The following NFKB1 variants were observed in gnomAD, a reference collection of about 807,000 sequenced individuals.
NFKB1 encodes the protein nuclear factor NF-kappa-B p105 subunit.
NFKB1 carries 9 observed loss-of-function variants against 105.1 expected under a neutral mutation model. The observed-to-expected ratio is 0.09, with a 90% CI of 0.05 to 0.15. The LOEUF (loss-of-function observed/expected upper bound fraction) is 0.15. NFKB1 is among the 10% of genes least tolerant of loss of function. The pLI is 1.00. For missense variants in NFKB1, 830 were observed against 1,203.7 expected, an observed-to-expected ratio of 0.69 and a Z score of 4.59; for synonymous variants, 440 against 442.2, an observed-to-expected ratio of 1.00 and a Z score of 0.06.
chr4:102,575,513 T>G (rs915814643), intron 6 of NFKB1, among the ~76,000 whole-genome samples: 5 of 152,180 alleles, frequency 3.3e-5, no homozygotes, highest in Non-Finnish European at 7.4e-5. Flanking sequence ...AATTCTTCAC[T>G]TACTTCTGAC....
intron 3 of NFKB1, among the ~76,000 whole-genome samples, chr4:102,530,291 G>A (rs1741201691): frequency 6.6e-6 from 1 of 152,074 alleles, no homozygotes; most frequent in South Asian, 2.1e-4. Flanking sequence ...TACTACCAGT[G>A]TGCCAGTCAC....
chr4:102,551,388 G>GCA (rs1722597259), intron 5 of NFKB1, among the ~76,000 whole-genome samples: 2 of 150,798 alleles, frequency 1.3e-5, no homozygotes, highest in South Asian at 2.1e-4. Flanking sequence ...ATGTGTGTGT[G>GCA]TGTGTGTGTT....
chr4:102,564,692 A>G (rs975573072), intron 5 of NFKB1, among the ~76,000 whole-genome samples: 1 of 152,234 alleles, frequency 6.6e-6, no homozygotes, highest in African/African-American at 2.4e-5. Context: ...CTTCAGTACC[A>G]GAGACTAATT....
intron 11 of NFKB1, among the ~76,000 whole-genome samples, chr4:102,591,018 G>A (rs1726124246): frequency 6.6e-6 from 1 of 152,132 alleles, no homozygotes; most frequent in Admixed American, 6.6e-5. Context: ...GAGAGGTGAG[G>A]AGGCTGCAGA....
chr4:102,519,788 C>T (rs1389141180), intron 1 of NFKB1, among the ~76,000 whole-genome samples: 1 of 152,162 alleles, frequency 6.6e-6, no homozygotes, highest in Non-Finnish European at 1.5e-5. Context: ...CTATATGAAC[C>T]TGAGCAAATG....
At chr4:102,518,338 C>G (rs980810299) in intron 1 of NFKB1, among the ~76,000 whole-genome samples, 5 of 152,102 alleles carry the variant, frequency 3.3e-5, no homozygotes, top group Admixed American at 2.6e-4. Context: ...TATGTATACA[C>G]CACAGTGTTT....
At chr4:102,558,729 C>T (rs1723176140) in intron 5 of NFKB1, among the ~76,000 whole-genome samples, 1 of 152,100 alleles carries the variant, frequency 6.6e-6, no homozygotes, top group African/African-American at 2.4e-5. Flanking sequence ...TAGCCCAATG[C>T]CACCTTGAAC....
At chr4:102,608,895 G>A (rs1728091627) in intron 19 of NFKB1, among the ~76,000 whole-genome samples, 1 of 152,120 alleles carries the variant, frequency 6.6e-6, no homozygotes, top group Non-Finnish European at 1.5e-5. Context: ...GCTCACACCT[G>A]TAAACTCAGC....
intron 11 of NFKB1, 114 bp from the exon 12 acceptor site, chr4:102,593,311 T>C: frequency 1.0e-6 from 1 of 1,001,756 alleles, no homozygotes; most frequent in Non-Finnish European, 1.5e-6. Context: ...TTTGAGTGCT[T>C]TCTATTTCCC....
At chr4:102,549,398 T>C (rs1378052688) in intron 5 of NFKB1, among the ~76,000 whole-genome samples, 1 of 148,544 alleles carries the variant, frequency 6.7e-6, no homozygotes, top group Non-Finnish European at 1.5e-5. Flanking sequence ...TATTTATATA[T>C]GTACATTTTA....
chr4:102,554,615 A>G (rs1722846275), intron 5 of NFKB1, among the ~76,000 whole-genome samples: 2 of 152,204 alleles, frequency 1.3e-5, no homozygotes, highest in African/African-American at 4.8e-5. Flanking sequence ...ACTCAGAAGC[A>G]TAAACTGACA....
intron 22 of NFKB1, 82 bp from the exon 23 acceptor site, chr4:102,613,343 G>GGAAGGGTGGGCTGTCGC: frequency 6.9e-7 from 1 of 1,450,308 alleles, no homozygotes; most frequent in Non-Finnish European, 9.5e-7. Flanking sequence ...CATGGAAGAG[G>GGAAGGGTGGGCTGTCGC]GAAGGGTGGG....
intron 18 of NFKB1, 61 bp from the exon 19 acceptor site, chr4:102,607,588 G>A: frequency 6.5e-7 from 1 of 1,528,248 alleles, no homozygotes; most frequent in South Asian, 1.1e-5. Context: ...ACACTGGGAG[G>A]TGGGGACAAA....
intron 7 of NFKB1, among the ~76,000 whole-genome samples, chr4:102,577,378 T>G (rs1314422838): frequency 1.3e-5 from 2 of 152,152 alleles, no homozygotes; most frequent in Non-Finnish European, 2.9e-5. Context: ...CCCCACCGTT[T>G]CCATTTCACC....
Position 102,582,929 on chromosome 4 carries a change from A to G in NFKB1, c.899A>G (p.Asp300Gly), listed in dbSNP as rs1560694437. Residue 300 changes from aspartate to glycine, a missense_variant, in exon 10 of 24, where the codon GAT becomes GGT. Around this residue, in one of 8 missense-constraint regions of NFKB1, gnomAD observed 42 missense variants for 145.7 expected, o/e 0.29. Transcript: ENST00000226574. The part of the protein sequence containing the change: ...ENGGVWEGFG[D>G]FSPTDVHRQF... ...GGTGGAGTCTGGGAAGGATTTGGAG[A>G]TTTTTCCCCCACAGATGTTCATAGA... 1.9e-6 allele frequency: 3 copies of G among 1,611,742 alleles called. No homozygotes were observed. The highest frequency in any genetic ancestry group is 2.5e-6 in the Non-Finnish European group (3 of 1,178,390).
chr4:102,611,984 C>T (rs1728461345), intron 20 of NFKB1, 60 bp from the exon 21 acceptor site: 4 of 1,375,224 alleles, frequency 2.9e-6, no homozygotes, highest in South Asian at 1.2e-5. Context: ...TATAAAGAAA[C>T]AGACTGCCCT....
chr4:102,562,954 C>T (rs1723561312), intron 5 of NFKB1, among the ~76,000 whole-genome samples: 1 of 152,180 alleles, frequency 6.6e-6, no homozygotes, highest in Non-Finnish European at 1.5e-5. Context: ...TCATGTATCA[C>T]CTCTTACATT....
At chr4:102,585,964 C>T (rs184042976) in intron 11 of NFKB1, among the ~76,000 whole-genome samples, 1 of 152,212 alleles carries the variant, frequency 6.6e-6, no homozygotes, top group African/African-American at 2.4e-5. Context: ...CAGGGCCAGG[C>T]TAAAGAGGGC....
In NFKB1 at chr4:102,514,454, C is replaced by T. The variant is rs2103487; in HGVS notation, c.-7-11058C>T. Among the ~76,000 whole-genome samples the T allele has an allele frequency of 8.9e-3, 1,356 of 152,292 alleles. 23 individuals carry two copies. The highest frequency in any genetic ancestry group is 0.031 in the African/African-American group (1,301 of 41,560). ...TTGTCTCCTCTTGCCTTTCCGCCCTCTGCCAGTTGCGGACACAGCATTCCT... is the reference window on the plus strand; with the variant it reads ...TTGTCTCCTCTTGCCTTTCCGCCCTTTGCCAGTTGCGGACACAGCATTCCT... On this transcript the variant is annotated intron_variant, in intron 1 of 23. Coordinates refer to ENST00000226574, the MANE Select transcript of NFKB1 (RefSeq NM_003998.4).
Sources: gnomAD v4.1 joint callset for allele counts (sites outside exome capture counted in the v4.1 genomes callset) on GRCh38, gnomAD v4.1.1 for gene constraint, gnomAD v4.1.1 regional missense constraint, MANE v1.5 for transcripts, NCBI Gene and HGNC (gene_info 2026-07-23, HGNC 2026-07-21) for gene names.